Variants in TRAF1 observed in about 807,000 individuals in gnomAD.
TRAF1 encodes the protein TNF receptor-associated factor 1.
Under a neutral mutation model 40.9 loss-of-function variants are expected in TRAF1, and 23 were observed. The ratio of observed to expected loss-of-function variants is 0.56; its 90% confidence interval spans 0.40 to 0.80. TRAF1 has a LOEUF of 0.80. Ranked by LOEUF, TRAF1 falls within the 30% of genes least tolerant of loss-of-function variation. The pLI, the probability that TRAF1 is intolerant of heterozygous loss-of-function variation, is 0.00. For missense variants in TRAF1, 477 were observed against 528.7 expected, an observed-to-expected ratio of 0.90 and a Z score of 0.96; for synonymous variants, 206 against 218.8, an observed-to-expected ratio of 0.94 and a Z score of 0.52.
In TRAF1 at chr9:120,926,071, G is replaced by A; in HGVS notation, c.5C>T (p.Ala2Val). Residue 2 changes from alanine (A) to valine (V), a missense_variant, in exon 2 of 8, where the codon GCC (alanine) becomes GTC (valine). Coordinates refer to ENST00000373887, the MANE Select transcript of TRAF1 (RefSeq NM_005658.5). M[A>V]SSSGSSPRPA... ...GCGAGGACTGCTGCCTGAGCTGGAGGCCATCTCAGGGTTCCAGGCTGGCCA... is the reference window on the plus strand; with the variant it reads ...GCGAGGACTGCTGCCTGAGCTGGAGACCATCTCAGGGTTCCAGGCTGGCCA... The A allele has an allele frequency of 6.3e-7, 1 of 1,586,764 alleles. No individual in the cohort carries two copies. Among genetic ancestry groups the A allele is most frequent in the Non-Finnish European group, 8.6e-7 (1 of 1,166,734 alleles).
chr9:120,913,346 G>T lies in TRAF1; in HGVS notation c.687C>A (p.Ile229=). Residue 229 remains isoleucine, a synonymous_variant, in exon 5 of 8, where the codon ATC becomes ATA. Coordinates refer to ENST00000373887, the MANE Select transcript of TRAF1 (RefSeq NM_005658.5). ...IHQSQLDRER[I]LSLEQRVVEL... The stretch of plus-strand genomic sequence containing the variant: ...CACTCACCCTCTGCTCCAAGCTCAG[G>T]ATGCGCTCACGGTCCAGCTGGCTCT... The T allele has an allele frequency of 6.2e-7, 1 of 1,610,586 alleles. No homozygotes were observed. The highest frequency in any genetic ancestry group is 1.1e-5 in the South Asian group (1 of 90,862).
In TRAF1 at chr9:120,911,496, C is replaced by A. The variant is rs1256591947; in HGVS notation, c.723G>T (p.Gln241His). 1 of 1,611,874 alleles carries A rather than the reference C, an allele frequency of 6.2e-7. No homozygotes were observed. The highest frequency in any genetic ancestry group is 2.2e-5 in the East Asian group (1 of 44,834). ...GGGCCTGGTCTTTCTGGGCCAGGGTCTGCTGAAGCTCCACCACCTGTAGGG... is the reference window on the plus strand; with the variant it reads ...GGGCCTGGTCTTTCTGGGCCAGGGTATGCTGAAGCTCCACCACCTGTAGGG... Reference protein sequence around the residue: ...SLEQRVVELQQTLAQKDQALG... With the variant: ...SLEQRVVELQHTLAQKDQALG... Residue 241 changes from glutamine to histidine, a missense_variant, in exon 6 of 8, where the codon CAG (glutamine) becomes CAT (histidine). Physicochemically the swap from Gln to His is conservative, Grantham distance 24. Transcript: ENST00000373887.
intron 3 of TRAF1, among the ~76,000 whole-genome samples, chr9:120,916,558 A>G (rs934911917): frequency 8.5e-5 from 13 of 152,132 alleles, no homozygotes; most frequent in African/African-American, 3.1e-4. Flanking sequence ...GGTCTTTCGG[A>G]CTGAGCAAAT....
At chr9:120,906,182 T>TTTTTTTTTTTTTTTTTTTTTTTG (rs2046481102) in intron 7 of TRAF1, among the ~76,000 whole-genome samples, 1 of 142,518 alleles carries the variant, frequency 7.0e-6, no homozygotes. Context: ...TGTTTTTTTT[T>TTTTTTTTTTTTTTTTTTTTTTTG]TTTTTTTTTT....
In TRAF1 at chr9:120,913,586, C is replaced by G; in HGVS notation, c.447G>C (p.Gln149His). 1 of 1,613,976 alleles carries G rather than the reference C, an allele frequency of 6.2e-7. No individual in the cohort carries two copies. Among genetic ancestry groups the G allele is most frequent in the Non-Finnish European group, 8.5e-7 (1 of 1,180,000 alleles). The change falls in exon 5 of 8, where the codon CAG becomes CAC. Residue 149 changes from glutamine (Q) to histidine (H), a missense_variant. Physicochemically the swap from Gln to His is conservative, Grantham distance 24. Coordinates refer to ENST00000373887, the MANE Select transcript of TRAF1 (RefSeq NM_005658.5). ...CCGCCACTTCCACGGCTGCCTGCAG[C>G]TGCAGGTCTGACAGGTTCTGCTCCA... is the stretch of plus-strand genomic sequence containing the variant. ...MALEQNLSDL[Q>H]LQAAVEVAGD...
At chr9:120,920,499 T>G (rs1365687168) in intron 3 of TRAF1, among the ~76,000 whole-genome samples, 1 of 151,446 alleles carries the variant, frequency 6.6e-6, no homozygotes, top group Non-Finnish European at 1.5e-5. Context: ...AGCTTGCTTT[T>G]GACCTTCTTG....
chr9:120,917,490 G>A (rs2046576937), intron 3 of TRAF1, among the ~76,000 whole-genome samples: 1 of 152,174 alleles, frequency 6.6e-6, no homozygotes. Flanking sequence ...ATACATGTAA[G>A]CACTGGTATT....
chr9:120,902,565 A>T lies in TRAF1; in HGVS notation c.*2455T>A, dbSNP rs2046446544. On this transcript the variant is annotated 3_prime_UTR_variant, in exon 8 of 8. Transcript: ENST00000373887. The stretch of plus-strand genomic sequence containing the variant: ...TCTGATGCTGTCTACACTCCAGTTC[A>T]TCTGACCCTTCTGACTCCCTCCCCC... 1 of 151,572 alleles carries T rather than the reference A, an allele frequency of 6.6e-6. No homozygotes were observed. The highest frequency in any genetic ancestry group is 1.5e-5 in the Non-Finnish European group (1 of 67,970). The allele number at this position is 151,572 out of a possible 1,614,324, so 9.4% of individuals were successfully genotyped here.
chr9:120,911,969 T>G (rs76816136), intron 5 of TRAF1, among the ~76,000 whole-genome samples: 1,837 of 152,294 alleles, frequency 0.012, 39 homozygotes, highest in African/African-American at 0.042. Context: ...AGGCTGCCTT[T>G]TAACTGGAGC....
chr9:120,922,138 C>A (rs542458858), intron 3 of TRAF1, among the ~76,000 whole-genome samples: 1 of 152,124 alleles, frequency 6.6e-6, no homozygotes, highest in Non-Finnish European at 1.5e-5. Flanking sequence ...GTAGAGAGGG[C>A]GGCTGAGCAA....
chr9:120,929,155 G>C (rs1303697376), upstream of TRAF1: 2 of 152,466 alleles, frequency 1.3e-5, no homozygotes, highest in African/African-American at 4.8e-5. This position sits in a 1 kb window ranked among gnomAD's most constrained non-coding sequence, Gnocchi z 4.5. Context: ...GGCCAGGCCC[G>C]GAGCTTCCGG....
Position 120,905,029 on chromosome 9 carries a change from G to C in TRAF1, c.1242C>G (p.Thr414=). Residue 414 remains threonine, a synonymous_variant, in exon 8 of 8, where the codon ACC becomes ACG. Coordinates refer to ENST00000373887, the MANE Select transcript of TRAF1 (RefSeq NM_005658.5). The part of the protein sequence containing the change: ...DTMFLKCIVE[T]ST Reference sequence around the variant, plus strand: ...AGGAGCCCCGCCCACCCTAAGTGCTGGTCTCCACAATGCACTTGAGGAACA... The same window carrying C: ...AGGAGCCCCGCCCACCCTAAGTGCTCGTCTCCACAATGCACTTGAGGAACA... The C allele has an allele frequency of 6.2e-7, 1 of 1,613,620 alleles. No homozygotes were observed. The highest frequency in any genetic ancestry group is 8.5e-7 in the Non-Finnish European group (1 of 1,179,896).
At position 120,926,156 on chromosome 9, in the gene TRAF1, CCTCA is replaced by C; in HGVS notation, c.-85_-82del. 5.7e-6 allele frequency: 8 copies of C among 1,412,452 alleles called. No individual in the cohort carries two copies. The highest frequency in any genetic ancestry group is 7.5e-6 in the Non-Finnish European group (8 of 1,069,482). The allele number at this position is 1,412,452 out of a possible 1,614,324, so 87.5% of individuals were successfully genotyped here. A position where few individuals can be genotyped will look rare whatever the true frequency, so the allele number is the denominator to read the frequency against. The stretch of plus-strand genomic sequence containing the variant: ...CAGCCTTGTGGAGTCCTGGCCTGGG[CCTCA>C]CTCTCTGGTGAGTAGGAGCTCTGAT... On this transcript the variant is annotated 5_prime_UTR_variant, in exon 2 of 8. Transcript: ENST00000373887.
chr9:120,924,032 C>A (rs2046622095), intron 2 of TRAF1, among the ~76,000 whole-genome samples: 1 of 152,176 alleles, frequency 6.6e-6, no homozygotes, highest in African/African-American at 2.4e-5. Flanking sequence ...GCTATTATAG[C>A]CCTTACTTGC....
chr9:120,913,846 CA>C, intron 4 of TRAF1, 108 bp from the exon 5 acceptor site: 1 of 1,314,254 alleles, frequency 7.6e-7, no homozygotes, highest in Non-Finnish European at 1.0e-6. Context: ...ATTCACCCAG[CA>C]AAAAGGAGTG....
chr9:120,926,120 G>T lies in TRAF1; in HGVS notation c.-45C>A. 6.7e-7 allele frequency: 1 copy of T among 1,502,528 alleles called. No homozygotes were observed. The allele number at this position is 1,502,528 out of a possible 1,614,324, so 93.1% of individuals were successfully genotyped here. On this transcript the variant is annotated 5_prime_UTR_variant, in exon 2 of 8. The change creates a new upstream start codon in the 5' untranslated region. Coordinates refer to ENST00000373887, the MANE Select transcript of TRAF1 (RefSeq NM_005658.5). The stretch of plus-strand genomic sequence containing the variant: ...CAGAGGGCCTGTTTAAGTTGCTCCA[G>T]GGCAGGGGACCAGCCTTGTGGAGTC...
At chr9:120,905,558 G>A (rs1345672242) in intron 7 of TRAF1, among the ~76,000 whole-genome samples, 1 of 152,222 alleles carries the variant, frequency 6.6e-6, no homozygotes, top group Non-Finnish European at 1.5e-5. Context: ...GTTGGGGGCA[G>A]AGGGTGTGAC....
chr9:120,906,983 C>T (rs547678891), intron 7 of TRAF1, among the ~76,000 whole-genome samples: 3 of 152,326 alleles, frequency 2.0e-5, no homozygotes, highest in Non-Finnish European at 4.4e-5. Context: ...ATTCTCGTGC[C>T]TCAGCCTCCA....
chr9:120,903,907 C>T lies in TRAF1; in HGVS notation c.*1113G>A, dbSNP rs2046458828. 6.6e-6 allele frequency: 1 copy of T among 152,232 alleles called. No individual in the cohort carries two copies. The highest frequency in any genetic ancestry group is 1.5e-5 in the Non-Finnish European group (1 of 68,066). The allele number at this position is 152,232 out of a possible 1,614,324, so 9.4% of individuals were successfully genotyped here. A position where few individuals can be genotyped will look rare whatever the true frequency, so the allele number is the denominator to read the frequency against. ...GCACCACCTCAAACTCAGCAATGGC[C>T]TTTTCAAACCTGGCTCAGTACAAAC... On this transcript the variant is annotated 3_prime_UTR_variant, in exon 8 of 8. Transcript: ENST00000373887.
Sources: gnomAD v4.1 joint callset for allele counts (sites outside exome capture counted in the v4.1 genomes callset) on GRCh38, gnomAD v4.1.1 for gene constraint, Gnocchi (gnomAD v3.1) non-coding constraint, MANE v1.5 for transcripts, NCBI Gene and HGNC (gene_info 2026-07-23, HGNC 2026-07-21) for gene names.